DLC1: variants seen among roughly 807,000 people sequenced by gnomAD.
DLC1 encodes rho GTPase-activating protein 7.
In DLC1, 54 loss-of-function variants were observed where a neutral mutation model predicts 140.3. The observed-to-expected ratio is 0.38, with a 90% CI of 0.31 to 0.48. DLC1 has a LOEUF of 0.48. DLC1 is among the 20% of genes least tolerant of loss of function. DLC1 has a pLI of 0.96. For missense variants in DLC1, 2,536 were observed against 1,907.0 expected (o/e 1.33, Z -6.14); for synonymous variants, 986 against 728.1 (o/e 1.35, Z -5.70).
intron 4 of DLC1, among the ~76,000 whole-genome samples, chr8:13,315,585 T>C (rs533635822): frequency 7.2e-5 from 11 of 152,226 alleles, no homozygotes; most frequent in Non-Finnish European, 1.6e-4. Context: ...TTTGATAACA[T>C]GGTAACTATT....
At chr8:13,595,041 C>T (rs375646059) in intron 1 of DLC1, among the ~76,000 whole-genome samples, 2 of 151,816 alleles carry the variant, frequency 1.3e-5, no homozygotes, top group African/African-American at 4.8e-5. Flanking sequence ...GTGGACTAGC[C>T]TGGATCACAC....
At chr8:13,378,148 T>C (rs1185543667) in intron 4 of DLC1, among the ~76,000 whole-genome samples, 17 of 141,996 alleles carry the variant, frequency 1.2e-4, no homozygotes, top group African/African-American at 4.0e-4. Context: ...GTTACATATG[T>C]ATACATGTGC....
At chr8:13,219,095 T>C (rs1421659480) in intron 5 of DLC1, among the ~76,000 whole-genome samples, 1 of 119,764 alleles carries the variant, frequency 8.3e-6, no homozygotes, top group African/African-American at 3.5e-5. Context: ...TATGTGAATG[T>C]AATTATATAA....
At chr8:13,145,438 G>T (rs906504019) in intron 5 of DLC1, among the ~76,000 whole-genome samples, 2 of 152,134 alleles carry the variant, frequency 1.3e-5, no homozygotes, top group Non-Finnish European at 2.9e-5. Context: ...TCATAGAAAG[G>T]TGTGTTACTA....
At chr8:13,580,315 G>C (rs1805046541) in intron 1 of DLC1, among the ~76,000 whole-genome samples, 1 of 152,040 alleles carries the variant, frequency 6.6e-6, no homozygotes, top group African/African-American at 2.4e-5. Context: ...TAGAGACAGG[G>C]TTTCGCCGTG....
chr8:13,336,050 G>T (rs758783512), intron 4 of DLC1, among the ~76,000 whole-genome samples: 2 of 151,990 alleles, frequency 1.3e-5, no homozygotes, highest in Non-Finnish European at 2.9e-5. Flanking sequence ...TTGATATTCA[G>T]AATCTTTACA....
intron 5 of DLC1, among the ~76,000 whole-genome samples, chr8:13,136,477 C>G (rs1013613095): frequency 2.6e-5 from 4 of 152,262 alleles, no homozygotes; most frequent in African/African-American, 9.6e-5. Context: ...ACATAATGGC[C>G]TCCAGCTGCA....
intron 1 of DLC1, among the ~76,000 whole-genome samples, chr8:13,593,758 C>G (rs1805597184): frequency 6.6e-6 from 1 of 152,188 alleles, no homozygotes; most frequent in African/African-American, 2.4e-5. Flanking sequence ...ATTAGTTATA[C>G]TCAGAAGTGA....
chr8:13,153,361 G>A (rs1472744968), intron 5 of DLC1, among the ~76,000 whole-genome samples: 1 of 152,214 alleles, frequency 6.6e-6, no homozygotes, highest in Non-Finnish European at 1.5e-5. Flanking sequence ...CGATCTCACT[G>A]GCCTCAGGAG....
rs537870941 is a variant in DLC1, at chr8:13,195,300, T to C, written c.1349-79643A>G. 7.8e-4 allele frequency among the ~76,000 whole-genome samples: 119 copies of C among 152,284 alleles called. 1 individual carries two copies. In the Middle Eastern group the frequency reaches 0.017, roughly 22 times the overall value. ...CTTGACAAATGTATTTTGTCAGCAA[T>C]TGGAGATGGCAGTCCTTCTGTTGCA... On this transcript the variant is annotated intron_variant, in intron 5 of 17. Coordinates refer to ENST00000276297, the MANE Select transcript of DLC1 (RefSeq NM_182643.3).
intron 5 of DLC1, among the ~76,000 whole-genome samples, chr8:13,161,773 A>T (rs1824721140): frequency 5.9e-5 from 9 of 152,210 alleles, no homozygotes; most frequent in Admixed American, 5.9e-4. Flanking sequence ...ATGCTACAGA[A>T]CATAGAGAAC....
chr8:13,388,909 A>T (rs1836635772), intron 4 of DLC1, among the ~76,000 whole-genome samples: 1 of 152,072 alleles, frequency 6.6e-6, no homozygotes, highest in South Asian at 2.1e-4. Context: ...TGCATTGAGC[A>T]TTCAAATATT....
chr8:13,533,872 T>A (rs1269492348), intron 1 of DLC1, among the ~76,000 whole-genome samples: 1 of 152,194 alleles, frequency 6.6e-6, no homozygotes, highest in Non-Finnish European at 1.5e-5. Context: ...TCTTTCCCAC[T>A]GCCTTGTGAG....
At chr8:13,206,548 A>C (rs1328383879) in intron 5 of DLC1, among the ~76,000 whole-genome samples, 2 of 152,166 alleles carry the variant, frequency 1.3e-5, no homozygotes, top group Non-Finnish European at 1.5e-5. Flanking sequence ...CTCGTTTAAC[A>C]AATATAATAT....
chr8:13,424,735 G>C (rs1002461357), intron 2 of DLC1, among the ~76,000 whole-genome samples: 3 of 151,854 alleles, frequency 2.0e-5, no homozygotes, highest in Admixed American at 2.0e-4. Context: ...ACCTCGCTTG[G>C]CTAATTTTTT....
At chr8:13,207,064 T>C (rs1827701765) in intron 5 of DLC1, among the ~76,000 whole-genome samples, 1 of 152,162 alleles carries the variant, frequency 6.6e-6, no homozygotes, top group Admixed American at 6.6e-5. Context: ...TCTAAAAATA[T>C]TTTGGAAATG....
intron 5 of DLC1, among the ~76,000 whole-genome samples, chr8:13,120,262 G>C (rs1448229495): frequency 1.3e-5 from 2 of 149,408 alleles, no homozygotes; most frequent in East Asian, 3.9e-4. Context: ...AGAATGGCGT[G>C]AACCGGGGAG....
chr8:13,225,703 C>T (rs1190938648), intron 5 of DLC1, among the ~76,000 whole-genome samples: 2 of 151,412 alleles, frequency 1.3e-5, no homozygotes, highest in African/African-American at 4.9e-5. Context: ...GCAAGCTCCG[C>T]CTCCTGGGTT....
intron 5 of DLC1, among the ~76,000 whole-genome samples, chr8:13,285,487 A>T (rs1052172823): frequency 6.6e-6 from 1 of 152,224 alleles, no homozygotes; most frequent in Non-Finnish European, 1.5e-5. Context: ...ACCACATTTT[A>T]ACAAATGGGC....
Sources: gnomAD v4.1 joint callset for allele counts (sites outside exome capture counted in the v4.1 genomes callset) on GRCh38, gnomAD v4.1.1 for gene constraint, MANE v1.5 for transcripts, NCBI Gene and HGNC (gene_info 2026-07-23, HGNC 2026-07-21) for gene names.